Variants in SYN3 observed in about 807,000 individuals in gnomAD.
SYN3 encodes the protein synapsin III.
Under a neutral mutation model 65.8 loss-of-function variants are expected in SYN3, and 35 were observed. The ratio of observed to expected loss-of-function variants is 0.53; its 90% CI spans 0.41 to 0.70. SYN3 has a LOEUF of 0.70. Among genes scored for constraint, SYN3 ranks in the 30% least tolerant of loss-of-function variants. SYN3 has a pLI of 0.00. For missense variants in SYN3, 680 were observed against 749.0 expected (o/e 0.91, Z 1.08); for synonymous variants, 270 against 292.9 (o/e 0.92, Z 0.80).
At chr22:32,857,277 A>G (rs1172009610) in intron 6 of SYN3, 1 of 1,614,082 alleles carries the variant, frequency 6.2e-7, no homozygotes, top group Non-Finnish European at 8.5e-7. Context: ...AAGATGCCCC[A>G]TGTGCAGTAC....
chr22:32,538,648 T>A (rs2058203167), intron 8 of SYN3, among the ~76,000 whole-genome samples: 1 of 152,158 alleles, frequency 6.6e-6, no homozygotes, highest in Non-Finnish European at 1.5e-5. Flanking sequence ...TTTCCCAATG[T>A]CATGGCCTCT....
chr22:32,555,743 C>T (rs145231947), intron 7 of SYN3, among the ~76,000 whole-genome samples: 37 of 152,240 alleles, frequency 2.4e-4, no homozygotes, highest in African/African-American at 8.7e-4. Context: ...AAACCATAAC[C>T]CGGGCACACA....
Position 32,911,666 on chromosome 22 carries a change from C to T in SYN3, c.461+19724G>A, listed in dbSNP as rs76234382. ...AGGGTGGTAATAAAAGATGGCTGCA[C>T]GGCTCTCCCCGGGAAACTGAACGGG... On this transcript the variant is annotated intron_variant, in intron 4 of 13. Transcript: ENST00000358763. Among the ~76,000 whole-genome samples, 1,055 of 152,216 alleles carry T rather than the reference C, an allele frequency of 6.9e-3. 11 individuals carry two copies. Among genetic ancestry groups the T allele is most frequent in the African/African-American group, 0.023 (976 of 41,542 alleles).
chr22:32,608,576 G>A (rs1362898532), intron 6 of SYN3, among the ~76,000 whole-genome samples: 1 of 152,186 alleles, frequency 6.6e-6, no homozygotes, highest in African/African-American at 2.4e-5. Context: ...TTTGCTTGGG[G>A]CTGTAGGCAA....
At chr22:32,743,525 C>T (rs577027755) in intron 6 of SYN3, among the ~76,000 whole-genome samples, 7 of 152,236 alleles carry the variant, frequency 4.6e-5, no homozygotes, top group East Asian at 1.9e-4. Context: ...CTGAGACAAC[C>T]GTCCATGCTG....
At chr22:32,767,732 A>G (rs926361874) in intron 6 of SYN3, among the ~76,000 whole-genome samples, 2 of 152,070 alleles carry the variant, frequency 1.3e-5, no homozygotes, top group African/African-American at 4.8e-5. Flanking sequence ...CTCTGAGAAC[A>G]TTTAGGATTT....
chr22:33,035,342 C>CCT (rs1556217572), intron 1 of SYN3, among the ~76,000 whole-genome samples: 2 of 109,096 alleles, frequency 1.8e-5, no homozygotes, highest in East Asian at 2.7e-4. Flanking sequence ...CCCCCCCCCC[C>CCT]CCGCCACCAA....
chr22:32,572,255 T>TTCCTTCCTTCCTTCCTTCC (rs1246276846), intron 7 of SYN3, among the ~76,000 whole-genome samples: 10 of 87,576 alleles, frequency 1.1e-4, no homozygotes, highest in African/African-American at 4.1e-4. Context: ...CCTTCCTTCC[T>TTCCTTCCTTCCTTCCTTCC]TTCCTTCCTT....
At chr22:32,859,282 C>T (rs2048468414) in intron 6 of SYN3, 1 of 1,614,114 alleles carries the variant, frequency 6.2e-7, no homozygotes, top group Admixed American at 1.7e-5. Context: ...CCAGTCCAAA[C>T]ACTACGCCTG....
At chr22:32,803,279 A>G (rs1420608151) in intron 6 of SYN3, among the ~76,000 whole-genome samples, 1 of 151,660 alleles carries the variant, frequency 6.6e-6, no homozygotes, top group East Asian at 1.9e-4. Flanking sequence ...AGGAGAAGGA[A>G]ATTTTCCACT....
intron 6 of SYN3, among the ~76,000 whole-genome samples, chr22:32,831,423 T>G (rs2047570003): frequency 1.3e-5 from 2 of 152,162 alleles, no homozygotes; most frequent in Non-Finnish European, 2.9e-5. Flanking sequence ...CTGTTTCAGC[T>G]ACTTCAAAGC....
chr22:32,773,394 C>A (rs2045824350), intron 6 of SYN3, among the ~76,000 whole-genome samples: 1 of 114,964 alleles, frequency 8.7e-6, no homozygotes, highest in Admixed American at 1.2e-4. Context: ...GCAACGGAGC[C>A]AGACTCTGTC....
intron 6 of SYN3, among the ~76,000 whole-genome samples, chr22:32,600,182 C>G (rs541662119): frequency 6.6e-6 from 1 of 152,302 alleles, no homozygotes; most frequent in South Asian, 2.1e-4. Flanking sequence ...TTTCTTGCAA[C>G]TAGACAGTCC....
intron 6 of SYN3, among the ~76,000 whole-genome samples, chr22:32,795,359 A>T: frequency 6.6e-6 from 1 of 152,204 alleles, no homozygotes; most frequent in South Asian, 2.1e-4. Context: ...AGAGGAAGGG[A>T]TGGTTAGAAG....
rs565343154 is a variant in SYN3 at position 32,911,788 on chromosome 22, T to C, written c.461+19602A>G. 5.3e-5 allele frequency among the ~76,000 whole-genome samples: 8 copies of C among 152,174 alleles called. No homozygotes were observed. In the South Asian group the frequency reaches 1.3e-3, roughly 24 times the overall value. ...AAGGTGACAGCCTCTCCTCTGACCCTTGAACCATGGAAATGGGCAGCCACC... is the reference window on the plus strand; with the variant it reads ...AAGGTGACAGCCTCTCCTCTGACCCCTGAACCATGGAAATGGGCAGCCACC... On this transcript the variant is annotated intron_variant, in intron 4 of 13. Coordinates refer to ENST00000358763, the MANE Select transcript of SYN3 (RefSeq NM_003490.4).
intron 4 of SYN3, among the ~76,000 whole-genome samples, chr22:32,917,417 C>T (rs1243273664): frequency 1.3e-5 from 2 of 152,200 alleles, no homozygotes; most frequent in African/African-American, 4.8e-5. Flanking sequence ...GATGAAATGT[C>T]CTACCACTGA....
chr22:33,052,033 T>A (rs574949709), intron 1 of SYN3, among the ~76,000 whole-genome samples: 2 of 152,166 alleles, frequency 1.3e-5, no homozygotes, highest in Admixed American at 1.3e-4. Flanking sequence ...AAGGCCCTAA[T>A]CCAAGCCTCA....
intron 1 of SYN3, among the ~76,000 whole-genome samples, chr22:33,013,729 C>T (rs991147953): frequency 6.6e-6 from 1 of 152,132 alleles, no homozygotes; most frequent in African/African-American, 2.4e-5. Context: ...CCCCATTCAG[C>T]CCCCTCTCCA....
intron 3 of SYN3, 52 bp downstream of exon 3, chr22:32,980,593 C>G (rs1171774441): frequency 6.5e-7 from 1 of 1,548,726 alleles, no homozygotes; most frequent in Admixed American, 1.7e-5. Context: ...AAGAACAGCC[C>G]CAGCGGCAGA....
Sources: allele counts gnomAD v4.1 joint callset (sites outside exome capture counted in the v4.1 genomes callset), GRCh38; gene constraint gnomAD v4.1.1; transcripts MANE v1.5; gene names NCBI Gene and HGNC (gene_info 2026-07-23, HGNC 2026-07-21).